The following FAF1 variants were observed in gnomAD, a reference collection of about 807,000 sequenced individuals.
FAF1 encodes the protein FAS-associated factor 1.
FAF1 carries 25 observed loss-of-function variants against 92.5 expected under a neutral mutation model. The ratio of observed to expected loss-of-function variants is 0.27; its 90% CI spans 0.20 to 0.38. The LOEUF is 0.38. FAF1 is among the 10% of genes least tolerant of loss of function. The pLI is 1.00. For missense variants in FAF1, 636 were observed against 793.3 expected (o/e 0.80, Z 2.38); for synonymous variants, 234 against 273.2 (o/e 0.86, Z 1.42).
intron 13 of FAF1, among the ~76,000 whole-genome samples, chr1:50,561,130 A>G (rs1273596219): frequency 1.3e-5 from 2 of 152,164 alleles, no homozygotes; most frequent in African/African-American, 4.8e-5. Flanking sequence ...GAATGGCCCA[A>G]TTTGGGAGGC....
intron 3 of FAF1, among the ~76,000 whole-genome samples, chr1:50,791,535 T>C (rs1661566034): frequency 6.6e-6 from 1 of 152,218 alleles, no homozygotes; most frequent in Non-Finnish European, 1.5e-5. Flanking sequence ...TTTTTCCTGC[T>C]TGCATTCATT....
intron 7 of FAF1, among the ~76,000 whole-genome samples, chr1:50,683,231 T>C (rs1447388590): frequency 6.6e-6 from 1 of 151,974 alleles, no homozygotes; most frequent in Non-Finnish European, 1.5e-5. Flanking sequence ...TAATGACTCT[T>C]AACATTATAC....
At chr1:50,584,861 A>G (rs779696655) in intron 9 of FAF1, 50 bp from the exon 10 acceptor site, 2 of 1,543,850 alleles carry the variant, frequency 1.3e-6, no homozygotes, top group Non-Finnish European at 1.8e-6. Context: ...GGCCTATCAA[A>G]TTCTAAGAAT....
intron 18 of FAF1, among the ~76,000 whole-genome samples, chr1:50,468,604 C>T (rs190600319): frequency 0.015 from 2,216 of 152,110 alleles, 53 homozygotes; most frequent in African/African-American, 0.049. Flanking sequence ...GGATTACAGG[C>T]GCCTGCCACC....
intron 4 of FAF1, among the ~76,000 whole-genome samples, chr1:50,757,130 A>G (rs1279690944): frequency 6.6e-6 from 1 of 152,232 alleles, no homozygotes; most frequent in Admixed American, 6.5e-5. Context: ...CACTTAATTT[A>G]AACAATTTTA....
At chr1:50,958,730 CAG>C (rs1267723890) in intron 1 of FAF1, among the ~76,000 whole-genome samples, 5 of 149,252 alleles carry the variant, frequency 3.4e-5, no homozygotes, top group Non-Finnish European at 6.0e-5. Flanking sequence ...CTTAATAGAA[CAG>C]AGAGAGAGAA....
At chr1:50,694,823 C>T (rs372017205) in intron 7 of FAF1, among the ~76,000 whole-genome samples, 3 of 148,388 alleles carry the variant, frequency 2.0e-5, no homozygotes, top group Admixed American at 6.7e-5. Flanking sequence ...ATTGGCCAGG[C>T]GTAGTGGTGG....
chr1:50,713,155 CAAAAAAAAAAA>C (rs371395514), intron 6 of FAF1, among the ~76,000 whole-genome samples: 2 of 46,532 alleles, frequency 4.3e-5, no homozygotes, highest in Non-Finnish European at 8.4e-5. Context: ...GCCAGACCCT[CAAAAAAAAAAA>C]AAAAAAAAAA....
intron 8 of FAF1, among the ~76,000 whole-genome samples, chr1:50,601,992 C>T (rs1457481139): frequency 6.6e-6 from 1 of 152,056 alleles, no homozygotes; most frequent in African/African-American, 2.4e-5. Flanking sequence ...CTTAACATCT[C>T]CTTTTGTAAA....
chr1:50,625,180 G>T (rs773794452), intron 8 of FAF1, among the ~76,000 whole-genome samples: 1 of 152,086 alleles, frequency 6.6e-6, no homozygotes, highest in Admixed American at 6.6e-5. Context: ...GATTACAGGC[G>T]TGAGCCACCG....
chr1:50,773,314 G>T (rs1379450715), intron 4 of FAF1, among the ~76,000 whole-genome samples: 2 of 152,152 alleles, frequency 1.3e-5, no homozygotes, highest in Non-Finnish European at 1.5e-5. Context: ...ATCAGATCCA[G>T]CCATCCCACT....
At chr1:50,817,981 A>G (rs1643994748) in intron 2 of FAF1, among the ~76,000 whole-genome samples, 3 of 152,180 alleles carry the variant, frequency 2.0e-5, no homozygotes, top group African/African-American at 7.2e-5. Context: ...AAACTCTAGA[A>G]AACAAAAATC....
intron 6 of FAF1, among the ~76,000 whole-genome samples, chr1:50,724,630 AAT>A (rs1658569820): frequency 6.6e-6 from 1 of 152,178 alleles, no homozygotes; most frequent in African/African-American, 2.4e-5. Flanking sequence ...GTAGAGTTTA[AAT>A]GAGAAAATAT....
At chr1:50,458,844 T>C (rs1646389075) in intron 18 of FAF1, among the ~76,000 whole-genome samples, 1 of 152,202 alleles carries the variant, frequency 6.6e-6, no homozygotes, top group African/African-American at 2.4e-5. Context: ...ATTATCCTTA[T>C]CCTACAGCGA....
intron 8 of FAF1, among the ~76,000 whole-genome samples, chr1:50,606,522 G>T (rs569277069): frequency 2.6e-5 from 3 of 117,274 alleles, no homozygotes; most frequent in Non-Finnish European, 5.1e-5. Flanking sequence ...TTTTTGAGAC[G>T]GAGTTTCACT....
At chr1:50,849,255 A>AGAC (rs1190842985) in intron 2 of FAF1, among the ~76,000 whole-genome samples, 16 of 150,970 alleles carry the variant, frequency 1.1e-4, no homozygotes, top group Admixed American at 8.6e-4. Flanking sequence ...CGACAGAGTG[A>AGAC]GACTCCGTCT....
intron 1 of FAF1, among the ~76,000 whole-genome samples, chr1:50,936,551 G>A (rs893907844): frequency 5.9e-5 from 9 of 152,136 alleles, no homozygotes; most frequent in Non-Finnish European, 1.2e-4. Flanking sequence ...GAAGGCATAG[G>A]GCATATAAGG....
intron 1 of FAF1, among the ~76,000 whole-genome samples, chr1:50,883,123 G>A (rs973821101): frequency 9.9e-5 from 15 of 151,932 alleles, no homozygotes; most frequent in Admixed American, 6.6e-4. Context: ...CCCTATTTAC[G>A]CACCTAGGAT....
intron 6 of FAF1, among the ~76,000 whole-genome samples, chr1:50,729,858 TAAA>T (rs1433642400): frequency 1.3e-5 from 2 of 152,050 alleles, no homozygotes; most frequent in Non-Finnish European, 2.9e-5. Context: ...TCATCTCTAC[TAAA>T]AATACAAAAA....
Sources: allele counts gnomAD v4.1 joint callset (sites outside exome capture counted in the v4.1 genomes callset), GRCh38; gene constraint gnomAD v4.1.1; transcripts MANE v1.5; gene names NCBI Gene and HGNC (gene_info 2026-07-23, HGNC 2026-07-21).